PRKCQ: variants seen among roughly 807,000 people sequenced by gnomAD.
PRKCQ encodes protein kinase C theta type.
Under a neutral mutation model 91.2 loss-of-function variants are expected in PRKCQ, and 41 were observed. That is an observed-to-expected ratio of 0.45 (90% CI 0.35 to 0.58). The LOEUF (loss-of-function observed/expected upper bound fraction) is 0.58, where lower values mean the gene tolerates loss of function less well. Ranked by LOEUF, PRKCQ falls within the 20% of genes least tolerant of loss-of-function variation. PRKCQ has a pLI of 0.00. For missense variants in PRKCQ, 673 were observed against 896.5 expected, an observed-to-expected ratio of 0.75 and a Z score of 3.18; for synonymous variants, 307 against 316.9, an observed-to-expected ratio of 0.97 and a Z score of 0.33.
At chr10:6,512,382 G>C (rs1838524100) in intron 2 of PRKCQ, among the ~76,000 whole-genome samples, 1 of 152,248 alleles carries the variant, frequency 6.6e-6, no homozygotes, top group Non-Finnish European at 1.5e-5. Flanking sequence ...GTAGGCAGGA[G>C]CCCTGGAAAT....
At chr10:6,467,385 C>CAGACAGAGAGAGAGAGAG (rs1835733213) in intron 12 of PRKCQ, among the ~76,000 whole-genome samples, 12 of 39,498 alleles carry the variant, frequency 3.0e-4, no homozygotes, top group African/African-American at 1.4e-3. Flanking sequence ...CAGAGAGAGA[C>CAGACAGAGAGAGAGAGAG]AGACAGAGAG....
At chr10:6,402,278 C>T in the PRKCQ span, among the ~76,000 whole-genome samples, 1 of 145,702 alleles carries the variant, frequency 6.9e-6, no homozygotes, top group African/African-American at 2.6e-5. Flanking sequence ...ATGGCACGTG[C>T]ATACCTATGT....
Position 6,564,134 on chromosome 10 carries a change from C to T in PRKCQ, c.-10+16077G>A, listed in dbSNP as rs554513175. 5.9e-5 allele frequency among the ~76,000 whole-genome samples: 9 copies of T among 152,184 alleles called. No homozygotes were observed. In the South Asian group the frequency reaches 1.0e-3, roughly 18 times the overall value. ...CAGGGCACAGGCTGGGAAGAACTCA[C>T]GGGCCCCGCAAAGATTCGGGATTCT... On this transcript the variant is annotated intron_variant, in intron 1 of 17. Transcript: ENST00000263125.
chr10:6,415,489 C>A, the PRKCQ span, among the ~76,000 whole-genome samples: 2 of 142,206 alleles, frequency 1.4e-5, no homozygotes, highest in African/African-American at 2.7e-5. Context: ...AATTTCAGCT[C>A]ATTCATGAAC....
chr10:6,403,895 C>T, the PRKCQ span, among the ~76,000 whole-genome samples: 1 of 151,962 alleles, frequency 6.6e-6, no homozygotes, highest in Non-Finnish European at 1.5e-5. Context: ...AAGTCACACA[C>T]ACACTCATTT....
At chr10:6,550,593 A>G (rs1198816232) in intron 1 of PRKCQ, among the ~76,000 whole-genome samples, 1 of 152,194 alleles carries the variant, frequency 6.6e-6, no homozygotes, top group Non-Finnish European at 1.5e-5. Flanking sequence ...TGTTTGTAGC[A>G]TATTTTGTTC....
chr10:6,555,087 T>C (rs1840354596), intron 1 of PRKCQ, among the ~76,000 whole-genome samples: 2 of 151,340 alleles, frequency 1.3e-5, no homozygotes, highest in South Asian at 2.1e-4. Context: ...TGGGTACTCA[T>C]GGACATAAAG....
rs1176859962 is a variant in PRKCQ, at chr10:6,483,599, C to G, written c.1020G>C (p.Glu340Asp). The G allele has an allele frequency of 6.2e-6, 10 of 1,613,358 alleles. No homozygotes were observed. The highest frequency in any genetic ancestry group is 8.5e-6 in the Non-Finnish European group (10 of 1,179,870). The change falls in exon 11 of 18, where the codon GAG becomes GAC. Residue 340 changes from glutamate (E) to aspartate (D), a missense_variant and splice_region_variant. Physicochemically the swap from Glu to Asp is conservative, Grantham distance 45 (BLOSUM62 2). Coordinates refer to ENST00000263125, the MANE Select transcript of PRKCQ (RefSeq NM_006257.5). ...GAGACTCCCAGGAAATGCCCTGAGG[C>G]TCTGAAAATGCAAGCTGGTGGTTAA... ...PPCLPTPGKR[E>D]PQGISWESPL... is the part of the protein sequence containing the mutation.
intron 14 of PRKCQ, among the ~76,000 whole-genome samples, chr10:6,459,777 G>C (rs1835222090): frequency 6.6e-6 from 1 of 152,210 alleles, no homozygotes; most frequent in Non-Finnish European, 1.5e-5. Context: ...AGGGCTTGGT[G>C]GGGGCATGGC....
chr10:6,429,351 A>G (rs1453110215), intron 17 of PRKCQ, among the ~76,000 whole-genome samples: 1 of 152,174 alleles, frequency 6.6e-6, no homozygotes, highest in Non-Finnish European at 1.5e-5. Context: ...CAAATGACTA[A>G]CCCACGTATT....
Position 6,456,788 on chromosome 10 carries a change from C to A in PRKCQ, c.1533G>T (p.Leu511=). The A allele has an allele frequency of 6.2e-7, 1 of 1,614,088 alleles. No individual in the cohort carries two copies. The highest frequency in any genetic ancestry group is 8.5e-7 in the Non-Finnish European group (1 of 1,179,986). ...VYRDLKLDNI[L]LDKDGHIKIA... ...TCTTGATATGTCCATCTTTGTCTAA[C>A]AGGATGTTATCTAGCTTCAGGTCCC... The change falls in exon 15 of 18, where the codon CTG becomes CTT. Residue 511 remains leucine (L), a synonymous_variant. Coordinates refer to ENST00000263125, the MANE Select transcript of PRKCQ (RefSeq NM_006257.5).
chr10:6,545,349 G>A (rs890932787), intron 1 of PRKCQ, among the ~76,000 whole-genome samples: 2 of 152,228 alleles, frequency 1.3e-5, no homozygotes, highest in African/African-American at 2.4e-5. Context: ...CTACTGATCC[G>A]ATTTTACAGA....
intron 16 of PRKCQ, among the ~76,000 whole-genome samples, chr10:6,434,055 C>CA (rs1833564712): frequency 7.5e-6 from 1 of 134,218 alleles, no homozygotes; most frequent in Admixed American, 7.3e-5. Context: ...AAAAAGGAAG[C>CA]AAAAGGAATA....
At chr10:6,553,489 CAAAAAAAAAAA>C (rs869196227) in intron 1 of PRKCQ, among the ~76,000 whole-genome samples, 4 of 8,868 alleles carry the variant, frequency 4.5e-4, no homozygotes, top group South Asian at 4.5e-3. Flanking sequence ...GACCCTGTCT[CAAAAAAAAAAA>C]AAAAAAAAAA....
At chr10:6,529,991 T>C (rs1394063757) in intron 1 of PRKCQ, among the ~76,000 whole-genome samples, 1 of 152,214 alleles carries the variant, frequency 6.6e-6, no homozygotes, top group African/African-American at 2.4e-5. Flanking sequence ...AGAACACCTC[T>C]GAACCACTTG....
intron 15 of PRKCQ, among the ~76,000 whole-genome samples, chr10:6,446,873 G>A (rs755056710): frequency 6.3e-4 from 96 of 152,196 alleles, no homozygotes; most frequent in African/African-American, 2.0e-3. Context: ...TGGTTTCACC[G>A]AACGACGCCA....
chr10:6,496,002 G>T (rs536814836), intron 7 of PRKCQ, among the ~76,000 whole-genome samples: 2 of 152,150 alleles, frequency 1.3e-5, no homozygotes, highest in African/African-American at 4.8e-5. Context: ...AATCACCTGA[G>T]GTCAGGAGTT....
chr10:6,539,628 A>G (rs2130913973), intron 1 of PRKCQ, among the ~76,000 whole-genome samples: 1 of 152,278 alleles, frequency 6.6e-6, no homozygotes, highest in Admixed American at 6.5e-5. Context: ...TAATAATAAT[A>G]GAAATAGAGT....
In PRKCQ at chr10:6,428,289, C is replaced by A. The variant is rs774786292; in HGVS notation, c.2039G>T (p.Arg680Ile). The A allele has an allele frequency of 8.1e-6, 13 of 1,614,078 alleles. No homozygotes were observed. Among genetic ancestry groups the A allele is most frequent in the African/African-American group, 1.3e-5 (1 of 74,924 alleles). ...CTGGTCCATGCTGTTGATCAGTGCT[C>A]TGTCGGCAAATGACAGCCGGGGCTT... The part of the protein sequence containing the change: ...NEKPRLSFAD[R>I]ALINSMDQNM... The change falls in exon 18 of 18, where the codon AGA becomes ATA. Residue 680 changes from arginine (R) to isoleucine (I), a missense_variant. By Grantham distance (97) the Arg-to-Ile change is moderately conservative. Coordinates refer to ENST00000263125, the MANE Select transcript of PRKCQ (RefSeq NM_006257.5).
Sources: gnomAD v4.1 joint callset for allele counts (sites outside exome capture counted in the v4.1 genomes callset) on GRCh38, gnomAD v4.1.1 for gene constraint, MANE v1.5 for transcripts, NCBI Gene and HGNC (gene_info 2026-07-23, HGNC 2026-07-21) for gene names.